Variants in AGBL4 observed in about 807,000 individuals in gnomAD.
The protein encoded by AGBL4 is AGBL carboxypeptidase 4, also known as cytosolic carboxypeptidase 6.
Under a neutral mutation model 66.4 loss-of-function variants are expected in AGBL4, and 58 were observed. That is an observed-to-expected ratio of 0.87 (90% CI 0.71 to 1.09). AGBL4 has a LOEUF of 1.09. AGBL4 is among the 50% of genes least tolerant of loss of function. AGBL4 has a pLI of 0.00. For missense variants in AGBL4, 579 were observed against 631.0 expected, an observed-to-expected ratio of 0.92 and a Z score of 0.88; for synonymous variants, 234 against 222.9, an observed-to-expected ratio of 1.05 and a Z score of -0.44.
intron 2 of AGBL4, among the ~76,000 whole-genome samples, chr1:49,820,176 G>A (rs1557479025): frequency 6.6e-6 from 1 of 152,146 alleles, no homozygotes; most frequent in Non-Finnish European, 1.5e-5. Context: ...ACCTCTTGGA[G>A]TCTTATGTGA....
Position 49,636,088 on chromosome 1 carries a change from C to T in AGBL4, c.282+61225G>A, listed in dbSNP as rs539356796. Among the ~76,000 whole-genome samples the T allele has an allele frequency of 5.9e-5, 9 of 152,062 alleles. No homozygotes were observed. The South Asian group carries it at 8.3e-4, about 14-fold the overall frequency. On this transcript the variant is annotated intron_variant, in intron 3 of 13. Transcript: ENST00000371839. ...GTTAATTCAGACCTCTTATCATACA[C>T]GAAAATTAATTACAGATAGATTATA...
intron 3 of AGBL4, among the ~76,000 whole-genome samples, chr1:49,540,643 A>AT (rs1651938907): frequency 1.3e-5 from 2 of 152,218 alleles, no homozygotes; most frequent in African/African-American, 4.8e-5. Flanking sequence ...GGTTATAGAA[A>AT]ATATATATAT....
intron 3 of AGBL4, among the ~76,000 whole-genome samples, chr1:49,693,369 T>C (rs1646924917): frequency 6.6e-6 from 1 of 152,112 alleles, no homozygotes; most frequent in South Asian, 2.1e-4. Context: ...AAATGGAAAA[T>C]AATCTTTATG....
At chr1:50,010,345 C>A (rs1190253447) in intron 1 of AGBL4, among the ~76,000 whole-genome samples, 1 of 151,716 alleles carries the variant, frequency 6.6e-6, no homozygotes, top group Non-Finnish European at 1.5e-5. Context: ...TTGGAAGAAT[C>A]AATATTGTTA....
Position 49,774,187 on chromosome 1 carries a change from G to T in AGBL4, c.158-76750C>A, listed in dbSNP as rs529918433. Among the ~76,000 whole-genome samples the T allele has an allele frequency of 2.0e-5, 3 of 152,314 alleles. No homozygotes were observed. In the East Asian group the frequency reaches 5.8e-4, roughly 29 times the overall value. On this transcript the variant is annotated intron_variant, in intron 2 of 13. Coordinates refer to ENST00000371839, the MANE Select transcript of AGBL4 (RefSeq NM_032785.4). ...TGTCCAAATTGGACTCAAGGTCTGT[G>T]AGGATTGGAGGACCACCCTGTAGCA...
At chr1:49,716,963 A>G (rs1286533697) in intron 2 of AGBL4, among the ~76,000 whole-genome samples, 2 of 152,132 alleles carry the variant, frequency 1.3e-5, no homozygotes, top group Non-Finnish European at 1.5e-5. Flanking sequence ...AAGGTATTCA[A>G]TTAGGAAAAG....
chr1:48,618,432 T>C (rs1385558545), intron 9 of AGBL4, among the ~76,000 whole-genome samples: 1 of 152,200 alleles, frequency 6.6e-6, no homozygotes, highest in Admixed American at 6.5e-5. Flanking sequence ...AACAATTCTA[T>C]AGTACTACAG....
intron 6 of AGBL4, among the ~76,000 whole-genome samples, chr1:48,762,612 TTTTGTG>T (rs151278456): frequency 0.21 from 26,301 of 127,810 alleles, 2,662 homozygotes; most frequent in East Asian, 0.34. Context: ...TCTTTAAGGG[TTTTGTG>T]TGTGTGTGTG....
chr1:49,921,674 C>A (rs556437224), intron 1 of AGBL4, among the ~76,000 whole-genome samples: 1 of 152,244 alleles, frequency 6.6e-6, no homozygotes, highest in South Asian at 2.1e-4. Context: ...AGCGTTAAGT[C>A]CAAGAGTCCA....
chr1:49,083,290 T>C (rs1644839897), intron 4 of AGBL4, among the ~76,000 whole-genome samples: 1 of 152,192 alleles, frequency 6.6e-6, no homozygotes, highest in Non-Finnish European at 1.5e-5. Context: ...TTTCTCTTCC[T>C]ACACTGCCCT....
intron 5 of AGBL4, among the ~76,000 whole-genome samples, chr1:48,873,746 C>A (rs1038165184): frequency 7.9e-5 from 12 of 152,240 alleles, no homozygotes; most frequent in African/African-American, 2.9e-4. Context: ...AAAACTCATG[C>A]ACTACCCCCA....
intron 1 of AGBL4, among the ~76,000 whole-genome samples, chr1:49,940,801 T>C (rs1654675263): frequency 3.3e-5 from 5 of 151,938 alleles, no homozygotes; most frequent in African/African-American, 1.2e-4. Context: ...TGTATACATA[T>C]GTAACTAACC....
At chr1:49,913,441 T>C (rs756961202) in intron 1 of AGBL4, among the ~76,000 whole-genome samples, 5 of 152,258 alleles carry the variant, frequency 3.3e-5, no homozygotes, top group Non-Finnish European at 5.9e-5. Flanking sequence ...CAGGGCACAC[T>C]GGTGTGGATA....
intron 1 of AGBL4, among the ~76,000 whole-genome samples, chr1:49,885,736 G>A (rs1349766719): frequency 6.6e-6 from 1 of 151,896 alleles, no homozygotes; most frequent in Non-Finnish European, 1.5e-5. Context: ...AAAAGAATAA[G>A]GATATACAAA....
intron 3 of AGBL4, among the ~76,000 whole-genome samples, chr1:49,541,720 T>C (rs192229722): frequency 1.3e-5 from 2 of 152,168 alleles, no homozygotes; most frequent in African/African-American, 4.8e-5. Flanking sequence ...GGCGAGGGAA[T>C]GGCGGGCAGC....
chr1:49,613,687 A>G (rs1645198065), intron 3 of AGBL4, among the ~76,000 whole-genome samples: 1 of 152,206 alleles, frequency 6.6e-6, no homozygotes, highest in South Asian at 2.1e-4. Context: ...AGATGGGACC[A>G]TATAGTTGCA....
At chr1:49,835,118 G>A (rs1645812186) in intron 2 of AGBL4, among the ~76,000 whole-genome samples, 1 of 152,080 alleles carries the variant, frequency 6.6e-6, no homozygotes, top group African/African-American at 2.4e-5. Context: ...TTCAAGTCCT[G>A]AATATCCTTG....
chr1:48,649,520 T>C (rs1645893197), intron 8 of AGBL4, among the ~76,000 whole-genome samples: 1 of 152,256 alleles, frequency 6.6e-6, no homozygotes, highest in Admixed American at 6.5e-5. Flanking sequence ...CTATATACTC[T>C]TACTGTAAAC....
At chr1:48,761,515 G>A (rs1420294023) in intron 6 of AGBL4, 3 of 1,524,272 alleles carry the variant, frequency 2.0e-6, no homozygotes, top group Non-Finnish European at 2.6e-6. Context: ...GAGTTAAAAT[G>A]AGTCATTATG....
Sources: allele counts gnomAD v4.1 joint callset (sites outside exome capture counted in the v4.1 genomes callset), GRCh38; gene constraint gnomAD v4.1.1; transcripts MANE v1.5; gene names NCBI Gene and HGNC (gene_info 2026-07-23, HGNC 2026-07-21).